Variants in SYN3 observed in about 807,000 individuals in gnomAD.
The protein encoded by SYN3 is synapsin-3.
A neutral mutation model predicts 65.8 loss-of-function variants in SYN3; 35 were observed. The ratio of observed to expected loss-of-function variants is 0.53; its 90% CI spans 0.41 to 0.70. The LOEUF (loss-of-function observed/expected upper bound fraction) is 0.70, where lower values mean the gene tolerates loss of function less well. Among genes scored for constraint, SYN3 ranks in the 30% least tolerant of loss-of-function variants. SYN3 has a pLI of 0.00. For missense variants in SYN3, 680 were observed against 749.0 expected, an observed-to-expected ratio of 0.91 and a Z score of 1.08; for synonymous variants, 270 against 292.9, an observed-to-expected ratio of 0.92 and a Z score of 0.80.
At chr22:32,899,786 C>CAGAT (rs1321578867) in intron 4 of SYN3, among the ~76,000 whole-genome samples, 3,150 of 27,674 alleles carry the variant, frequency 0.11, 1,245 homozygotes, top group African/African-American at 0.17. Context: ...ACAAGGAAGT[C>CAGAT]GGCCGGGCGC....
At chr22:32,779,883 GAAA>G (rs2045991997) in intron 6 of SYN3, among the ~76,000 whole-genome samples, 1 of 152,074 alleles carries the variant, frequency 6.6e-6, no homozygotes, top group African/African-American at 2.4e-5. Flanking sequence ...AACCTGGGCA[GAAA>G]AGCCAAACAC....
At chr22:32,752,766 A>T (rs576637152) in intron 6 of SYN3, among the ~76,000 whole-genome samples, 1 of 152,182 alleles carries the variant, frequency 6.6e-6, no homozygotes, top group Admixed American at 6.5e-5. Flanking sequence ...TCGACAGGAG[A>T]TCAGAGAGTT....
intron 6 of SYN3, among the ~76,000 whole-genome samples, chr22:32,807,981 T>C (rs577895661): frequency 3.3e-5 from 5 of 152,274 alleles, no homozygotes; most frequent in African/African-American, 1.2e-4. Context: ...GTGTTTTTTT[T>C]CCTTCTTTTT....
chr22:32,894,579 C>T (rs569376424), intron 4 of SYN3, among the ~76,000 whole-genome samples: 3 of 152,316 alleles, frequency 2.0e-5, no homozygotes, highest in East Asian at 1.9e-4. Context: ...GGCACGACCC[C>T]GTCATCCTGA....
chr22:32,860,911 GTGTT>G (rs2048516991), intron 6 of SYN3: 1 of 98,832 alleles, frequency 1.0e-5, no homozygotes, highest in Admixed American at 9.2e-5. Context: ...GGTTTCTGTT[GTGTT>G]TTTTTTTTTT....
chr22:32,640,330 C>T (rs2059878017), intron 6 of SYN3, among the ~76,000 whole-genome samples: 2 of 152,166 alleles, frequency 1.3e-5, no homozygotes, highest in South Asian at 2.1e-4. Flanking sequence ...TACTCAGAAT[C>T]GACCAAAGTG....
intron 6 of SYN3, among the ~76,000 whole-genome samples, chr22:32,853,319 T>C (rs2048275360): frequency 6.6e-6 from 1 of 152,136 alleles, no homozygotes; most frequent in Admixed American, 6.6e-5. Context: ...GATAGCTCGG[T>C]CGGTCTGTAA....
Position 32,681,198 on chromosome 22 carries a change from G to A in SYN3, c.712-84462C>T, listed in dbSNP as rs752088143. Reference sequence around the variant, plus strand: ...GTAGAGAAGTGGTTCTCAACCAGGGGGCCATTTTGACCTCCAGGGATATTT... The same window carrying A: ...GTAGAGAAGTGGTTCTCAACCAGGGAGCCATTTTGACCTCCAGGGATATTT... On this transcript the variant is annotated intron_variant, in intron 6 of 13. Coordinates refer to ENST00000358763, the MANE Select transcript of SYN3 (RefSeq NM_003490.4). Among the ~76,000 whole-genome samples the A allele has an allele frequency of 5.8e-4, 89 of 152,220 alleles. 1 individual carries two copies. The Middle Eastern group carries it at 0.01, about 17-fold the overall frequency.
At chr22:32,560,774 A>C (rs537053157) in intron 7 of SYN3, among the ~76,000 whole-genome samples, 34 of 152,264 alleles carry the variant, frequency 2.2e-4, no homozygotes, top group African/African-American at 7.5e-4. Context: ...TTATGGCTTG[A>C]AAGGTTCGCT....
At chr22:33,009,456 G>T (rs1006393794) in intron 1 of SYN3, among the ~76,000 whole-genome samples, 1 of 151,940 alleles carries the variant, frequency 6.6e-6, no homozygotes, top group African/African-American at 2.4e-5. Context: ...ATTTCTAAAA[G>T]GTGGGTTGTT....
chr22:32,556,796 G>T (rs2710384), intron 7 of SYN3, among the ~76,000 whole-genome samples: 40,313 of 51,142 alleles, frequency 0.79, 14,808 homozygotes, highest in African/African-American at 0.83. Flanking sequence ...CAATCTATAG[G>T]TTTCCTGGTT....
At chr22:32,959,020 C>T (rs1163519615) in intron 3 of SYN3, among the ~76,000 whole-genome samples, 1 of 151,966 alleles carries the variant, frequency 6.6e-6, no homozygotes, top group Non-Finnish European at 1.5e-5. Flanking sequence ...TGGTGAAACC[C>T]CATCTCTACT....
At chr22:32,737,947 G>A (rs1198216731) in intron 6 of SYN3, among the ~76,000 whole-genome samples, 1 of 152,168 alleles carries the variant, frequency 6.6e-6, no homozygotes, top group Non-Finnish European at 1.5e-5. Flanking sequence ...CCAGATGCAG[G>A]AGGACTGCCT....
At chr22:32,743,247 C>T (rs1254775799) in intron 6 of SYN3, among the ~76,000 whole-genome samples, 2 of 152,260 alleles carry the variant, frequency 1.3e-5, no homozygotes, top group East Asian at 3.9e-4. Flanking sequence ...AAGGGGGCGG[C>T]CTTGTGAGAT....
chr22:33,002,201 G>C (rs1281058574), intron 2 of SYN3, among the ~76,000 whole-genome samples: 1 of 152,184 alleles, frequency 6.6e-6, no homozygotes, highest in African/African-American at 2.4e-5. Context: ...CACCTAAGAT[G>C]ATTCACACTG....
At chr22:32,813,620 GA>G (rs1242706287) in intron 6 of SYN3, among the ~76,000 whole-genome samples, 1 of 151,028 alleles carries the variant, frequency 6.6e-6, no homozygotes, top group Non-Finnish European at 1.5e-5. Flanking sequence ...TTTATTTCTA[GA>G]ATCTCCTTTC....
intron 6 of SYN3, among the ~76,000 whole-genome samples, chr22:32,660,567 C>T (rs747906663): frequency 2.0e-5 from 3 of 152,246 alleles, no homozygotes; most frequent in East Asian, 1.9e-4. Context: ...AAGGGGCTGG[C>T]GGGGAAGGAA....
At chr22:32,950,830 G>A (rs143670931) in intron 3 of SYN3, among the ~76,000 whole-genome samples, 44 of 152,228 alleles carry the variant, frequency 2.9e-4, no homozygotes, top group Non-Finnish European at 5.4e-4. Context: ...GTGATTTGCC[G>A]TTCCTCCTTT....
At chr22:32,613,744 T>C (rs1206745346) in intron 6 of SYN3, among the ~76,000 whole-genome samples, 1 of 152,192 alleles carries the variant, frequency 6.6e-6, no homozygotes, top group East Asian at 1.9e-4. Context: ...ACTGAACTAC[T>C]TTTAGAGTAT....
Sources: allele counts gnomAD v4.1 joint callset (sites outside exome capture counted in the v4.1 genomes callset), GRCh38; gene constraint gnomAD v4.1.1; transcripts MANE v1.5; gene names NCBI Gene and HGNC (gene_info 2026-07-23, HGNC 2026-07-21).